The following STON2 variants were observed in gnomAD, a reference collection of about 807,000 sequenced individuals.
STON2 encodes the protein stonin-2.
STON2 carries 29 observed loss-of-function variants against 65.7 expected under a neutral mutation model. The ratio of observed to expected loss-of-function variants is 0.44; its 90% CI spans 0.33 to 0.60. The LOEUF (loss-of-function observed/expected upper bound fraction) is 0.60, where lower values mean the gene tolerates loss of function less well. STON2 is among the 20% of genes least tolerant of loss of function. The pLI is 0.03. For synonymous variants in STON2, 404 were observed against 414.2 expected, an observed-to-expected ratio of 0.98 and a Z score of 0.30; for missense variants, 1,054 against 1,118.1, an observed-to-expected ratio of 0.94 and a Z score of 0.82.
At chr14:81,292,731 C>T (rs1895606733) in intron 5 of STON2, among the ~76,000 whole-genome samples, 1 of 152,286 alleles carries the variant, frequency 6.6e-6, no homozygotes, top group African/African-American at 2.4e-5. Context: ...AGCAGTGTGA[C>T]AGTGGACTAA....
At position 81,264,859 on chromosome 14, in the gene STON2, C is replaced by T. The variant is rs1894294439; in HGVS notation, c.*3555G>A. The T allele has an allele frequency of 1.0e-6, 1 of 985,172 alleles. No homozygotes were observed. The highest frequency in any genetic ancestry group is 6.2e-5 in the Admixed American group (1 of 16,252). 61.0% of individuals were successfully genotyped at this position (985,172 alleles called of 1,614,324 possible). ...CAAGGGGGATCATCTAATGGTCTCC[C>T]CACAAAGTGCCTCACATTGTCTTGT... is the stretch of plus-strand genomic sequence containing the variant. On this transcript the variant is annotated 3_prime_UTR_variant, in exon 8 of 8. Coordinates refer to ENST00000614646, the MANE Select transcript of STON2 (RefSeq NM_001394390.1).
Position 81,265,912 on chromosome 14 carries a change from C to G in STON2, c.*2502G>C. The G allele has an allele frequency of 1.0e-6, 1 of 985,198 alleles. No individual in the cohort carries two copies. Among genetic ancestry groups the G allele is most frequent in the Non-Finnish European group, 1.2e-6 (1 of 829,878 alleles). The allele number at this position is 985,198 out of a possible 1,614,324, so 61.0% of individuals were successfully genotyped here. ...TAAGCGTGAGTGACTAAGGAAGGTG[C>G]TGGGATGAGCTTCATTTCCCTTGCC... On this transcript the variant is annotated 3_prime_UTR_variant, in exon 8 of 8. Transcript: ENST00000614646.
intron 4 of STON2, among the ~76,000 whole-genome samples, chr14:81,359,367 T>C (rs1389324823): frequency 6.6e-6 from 1 of 152,166 alleles, no homozygotes; most frequent in African/African-American, 2.4e-5. Context: ...CCACAACTTA[T>C]GGAATGTGGC....
intron 5 of STON2, among the ~76,000 whole-genome samples, chr14:81,304,387 G>C (rs1040772474): frequency 1.3e-5 from 2 of 152,096 alleles, no homozygotes; most frequent in Admixed American, 1.3e-4. Flanking sequence ...CAAAACTAAA[G>C]CACAAAAAAG....
rs144415593 is a variant in STON2 at position 81,286,381 on chromosome 14, G to C, written c.743-7642C>G. On this transcript the variant is annotated intron_variant, in intron 5 of 7. Coordinates refer to ENST00000614646, the MANE Select transcript of STON2 (RefSeq NM_001394390.1). ...CATTGTTGTTTTACATTAAGAAATC[G>C]TCACGGCCATTCCAACCCTCAGCAG... Among the ~76,000 whole-genome samples, 538 of 152,176 alleles carry C rather than the reference G, an allele frequency of 3.5e-3. 2 individuals carry two copies. Among genetic ancestry groups the C allele is most frequent in the African/African-American group, 0.012 (505 of 41,492 alleles).
chr14:81,321,525 T>A (rs1896821562), intron 5 of STON2, among the ~76,000 whole-genome samples: 1 of 152,116 alleles, frequency 6.6e-6, no homozygotes, highest in Non-Finnish European at 1.5e-5. Flanking sequence ...CTATCTCAAG[T>A]CCACAGTTAG....
At chr14:81,269,718 T>C (rs1037045587) in intron 7 of STON2, 1 of 985,176 alleles carries the variant, frequency 1.0e-6, no homozygotes. Context: ...TTATTATAAA[T>C]AGAAAACCAC....
chr14:81,328,508 A>G (rs994558743), intron 4 of STON2, among the ~76,000 whole-genome samples: 1 of 152,168 alleles, frequency 6.6e-6, no homozygotes, highest in Non-Finnish European at 1.5e-5. Context: ...ATGTACCAGC[A>G]TTGCTATCAC....
rs1262242027 is a variant in STON2 at position 81,276,898 on chromosome 14, C to T, written c.2581+3G>A. The T allele has an allele frequency of 1.9e-6, 3 of 1,605,734 alleles. No individual in the cohort carries two copies. In the South Asian group the frequency reaches 3.3e-5, roughly 18 times the overall value. On this transcript the variant is annotated splice_donor_region_variant and intron_variant, in intron 6 of 7. Coordinates refer to ENST00000614646, the MANE Select transcript of STON2 (RefSeq NM_001394390.1). ...TTTTCACAGAAGAGGAACCACCACCCACCTGAGTTTTTGTCCGGCAGTCGG... is the reference window on the plus strand; with the variant it reads ...TTTTCACAGAAGAGGAACCACCACCTACCTGAGTTTTTGTCCGGCAGTCGG...
At chr14:81,420,422 C>T (rs1482312850) in intron 2 of STON2, among the ~76,000 whole-genome samples, 2 of 152,180 alleles carry the variant, frequency 1.3e-5, no homozygotes, top group Admixed American at 6.5e-5. Flanking sequence ...ATCGCCCATT[C>T]ATTCATTCAT....
intron 5 of STON2, among the ~76,000 whole-genome samples, chr14:81,286,191 A>T (rs1443494348): frequency 6.6e-6 from 1 of 152,252 alleles, no homozygotes; most frequent in Non-Finnish European, 1.5e-5. Context: ...AAATATGTTT[A>T]AAAATAATAT....
At chr14:81,291,111 G>A (rs1895537425) in intron 5 of STON2, among the ~76,000 whole-genome samples, 1 of 152,102 alleles carries the variant, frequency 6.6e-6, no homozygotes, top group Admixed American at 6.5e-5. Context: ...AAAAGGAAAG[G>A]AGACAGGAAG....
At chr14:81,344,040 T>C (rs528643882) in intron 4 of STON2, among the ~76,000 whole-genome samples, 86 of 152,210 alleles carry the variant, frequency 5.7e-4, no homozygotes, top group Non-Finnish European at 7.1e-4. Flanking sequence ...CACTAGCTCA[T>C]GGCTCTTTCA....
intron 4 of STON2, among the ~76,000 whole-genome samples, chr14:81,361,661 TA>T (rs1898499115): frequency 6.6e-6 from 1 of 151,956 alleles, no homozygotes; most frequent in Non-Finnish European, 1.5e-5. Context: ...TAAATCAAAA[TA>T]AAAAGTTTTT....
intron 1 of STON2, among the ~76,000 whole-genome samples, chr14:81,434,166 G>GA (rs1391972436): frequency 2.0e-5 from 3 of 152,062 alleles, no homozygotes; most frequent in Non-Finnish European, 4.4e-5. Flanking sequence ...CAACTTCTAA[G>GA]AAAAAATAAT....
chr14:81,327,854 A>C (rs1279655983), intron 4 of STON2, among the ~76,000 whole-genome samples: 1 of 152,236 alleles, frequency 6.6e-6, no homozygotes, highest in East Asian at 1.9e-4. Context: ...AGTGGAAAAC[A>C]CCATTCAGAA....
intron 2 of STON2, among the ~76,000 whole-genome samples, chr14:81,426,617 G>A (rs1466709743): frequency 5.9e-5 from 9 of 152,012 alleles, no homozygotes; most frequent in Non-Finnish European, 1.0e-4. Context: ...AAATGACTGC[G>A]GCAAGAACCC....
In STON2 at chr14:81,306,382, C is replaced by T. The variant is rs1896186291; in HGVS notation, c.742+17635G>A. On this transcript the variant is annotated intron_variant, in intron 5 of 7. Coordinates refer to ENST00000614646, the MANE Select transcript of STON2 (RefSeq NM_001394390.1). ...CAGATGGGACTACAGGCGCCATATG[C>T]TCTATTTTTTTTTAAGAGATGGAGT... Among the ~76,000 whole-genome samples, 5 of 65,210 alleles carry T rather than the reference C, an allele frequency of 7.7e-5. No homozygotes were observed. In the South Asian group the frequency reaches 2.5e-3, roughly 32 times the overall value. 42.8% of individuals were successfully genotyped at this position (65,210 alleles called of 152,430 possible).
At chr14:81,299,839 AT>A (rs1895900389) in intron 5 of STON2, among the ~76,000 whole-genome samples, 1 of 152,016 alleles carries the variant, frequency 6.6e-6, no homozygotes, top group South Asian at 2.1e-4. Context: ...GAGAGATTTC[AT>A]GTTCATGGAT....
Sources: gnomAD v4.1 joint callset for allele counts (sites outside exome capture counted in the v4.1 genomes callset) on GRCh38, gnomAD v4.1.1 for gene constraint, MANE v1.5 for transcripts, NCBI Gene and HGNC (gene_info 2026-07-23, HGNC 2026-07-21) for gene names.